The following CLIP2 variants were observed in gnomAD, a reference collection of about 807,000 sequenced individuals.
The protein encoded by CLIP2 is CAP-Gly domain-containing linker protein 2.
CLIP2 carries 41 observed loss-of-function variants against 111.7 expected under a neutral mutation model. The ratio of observed to expected loss-of-function variants is 0.37; its 90% CI spans 0.29 to 0.48. The LOEUF (loss-of-function observed/expected upper bound fraction) is 0.48, where lower values mean the gene tolerates loss of function less well. Ranked by LOEUF, CLIP2 falls within the 20% of genes least tolerant of loss-of-function variation. The probability of loss-of-function intolerance (pLI) is 0.99; values close to 1 mark genes in which losing one functional copy is unlikely to be tolerated. For synonymous variants in CLIP2, 660 were observed against 644.2 expected (o/e 1.02, Z -0.37); for missense variants, 1,160 against 1,422.1 (o/e 0.82, Z 2.96).
At chr7:74,327,912 G>A (rs570928067) in intron 2 of CLIP2, among the ~76,000 whole-genome samples, 12 of 152,342 alleles carry the variant, frequency 7.9e-5, no homozygotes, top group East Asian at 1.9e-4. Context: ...TTCCCCGGCC[G>A]CCTCTGCTGA....
intron 1 of CLIP2, among the ~76,000 whole-genome samples, chr7:74,305,798 T>C (rs1554727636): frequency 1.3e-5 from 2 of 151,388 alleles, no homozygotes; most frequent in Non-Finnish European, 2.9e-5. Context: ...CCGGTCACAT[T>C]TTAGGGATCT....
chr7:74,333,807 G>C (rs1789369450), intron 2 of CLIP2, among the ~76,000 whole-genome samples: 1 of 152,174 alleles, frequency 6.6e-6, no homozygotes, highest in African/African-American at 2.4e-5. Context: ...AGTCTGTGTT[G>C]CTGGGCCCAG....
chr7:74,378,173 G>C (rs960752080), intron 10 of CLIP2, among the ~76,000 whole-genome samples: 4 of 151,494 alleles, frequency 2.6e-5, no homozygotes, highest in Non-Finnish European at 4.4e-5. Context: ...TGTCTCCCAG[G>C]CTGGAGTGCA....
chr7:74,354,106 G>A (rs2116601603), intron 4 of CLIP2, 102 bp downstream of exon 4: 1 of 1,379,392 alleles, frequency 7.2e-7, no homozygotes, highest in Non-Finnish European at 9.9e-7. Context: ...TGTCCAGCAT[G>A]TAGTGTCAGA....
At chr7:74,357,251 G>A in intron 5 of CLIP2, 29 bp from the exon 6 acceptor site, 1 of 1,608,762 alleles carries the variant, frequency 6.2e-7, no homozygotes, top group Non-Finnish European at 8.5e-7. Flanking sequence ...AGATCCCTGA[G>A]ACCCGCCTGC....
At chr7:74,347,403 G>A (rs1789826236) in intron 3 of CLIP2, among the ~76,000 whole-genome samples, 1 of 152,076 alleles carries the variant, frequency 6.6e-6, no homozygotes, top group Non-Finnish European at 1.5e-5. Context: ...CGGGTAGCTG[G>A]GACTACAGGT....
At chr7:74,370,840 G>C (rs2528994) in intron 8 of CLIP2, among the ~76,000 whole-genome samples, 56,025 of 151,534 alleles carry the variant, frequency 0.37, 11,241 homozygotes, top group Middle Eastern at 0.48. Context: ...TCTATTTCAC[G>C]TTCATTCCAG....
intron 1 of CLIP2, among the ~76,000 whole-genome samples, chr7:74,309,304 C>T (rs992291048): frequency 2.0e-5 from 3 of 150,632 alleles, no homozygotes; most frequent in East Asian, 4.1e-4. Context: ...GATGAAACCC[C>T]GTCTCTACTA....
At chr7:74,398,865 G>A (rs1305955803) in intron 14 of CLIP2, among the ~76,000 whole-genome samples, 1 of 152,174 alleles carries the variant, frequency 6.6e-6, no homozygotes, top group Admixed American at 6.5e-5. Flanking sequence ...ACCCCCAGGG[G>A]CTTCCCTAGA....
At chr7:74,337,269 A>G (rs1448906990) in intron 2 of CLIP2, among the ~76,000 whole-genome samples, 1 of 152,136 alleles carries the variant, frequency 6.6e-6, no homozygotes, top group Non-Finnish European at 1.5e-5. Flanking sequence ...GGGGAGGCCC[A>G]GGAGAGAGTT....
At chr7:74,349,088 C>T (rs1259669755) in intron 3 of CLIP2, among the ~76,000 whole-genome samples, 1 of 151,798 alleles carries the variant, frequency 6.6e-6, no homozygotes, top group Admixed American at 6.6e-5. Context: ...GATAAATGGA[C>T]AAGCACAATG....
chr7:74,357,560 G>T, intron 6 of CLIP2, 83 bp downstream of exon 6: 2 of 1,299,322 alleles, frequency 1.5e-6, no homozygotes, highest in Admixed American at 2.0e-5. Flanking sequence ...GACCCTGGAG[G>T]GGGTGGGTGC....
intron 6 of CLIP2, 102 bp from the exon 7 acceptor site, chr7:74,360,073 G>A: frequency 5.5e-6 from 5 of 913,284 alleles, no homozygotes; most frequent in Admixed American, 2.4e-5. Context: ...GGGTGACTGG[G>A]GTTCCAGGCC....
intron 1 of CLIP2, among the ~76,000 whole-genome samples, chr7:74,300,133 T>C (rs987173148): frequency 4.0e-5 from 6 of 151,656 alleles, no homozygotes; most frequent in Admixed American, 4.0e-4. Context: ...AATTCAGGTA[T>C]GCACCACCAC....
At position 74,405,497 on chromosome 7, in the gene CLIP2, TCAGTCCCCCCGGCCCCCCTCC is replaced by T. The variant is rs1340516326; in HGVS notation, c.*1657_*1677del. Reference sequence around the variant, plus strand: ...AATGCAGCCCATCGGGGAGTCACAGTCAGTCCCCCCGGCCCCCCTCCCAGTCCCTGTTGGCTTTCGGTAGCT... The same window carrying T: ...AATGCAGCCCATCGGGGAGTCACAGTCAGTCCCTGTTGGCTTTCGGTAGCT... On this transcript the variant is annotated 3_prime_UTR_variant, in exon 17 of 17. Coordinates refer to ENST00000223398, the MANE Select transcript of CLIP2 (RefSeq NM_003388.5). 1 of 152,994 alleles carries T rather than the reference TCAGTCCCCCCGGCCCCCCTCC, an allele frequency of 6.5e-6. No individual in the cohort carries two copies. The highest frequency in any genetic ancestry group is 1.9e-4 in the East Asian group (1 of 5,200). The allele number at this position is 152,994 out of a possible 1,614,324, so 9.5% of individuals were successfully genotyped here.
chr7:74,346,504 C>A (rs76743962), intron 3 of CLIP2, among the ~76,000 whole-genome samples: 1 of 152,040 alleles, frequency 6.6e-6, no homozygotes, highest in African/African-American at 2.4e-5. Flanking sequence ...GGGTGAATCA[C>A]TTGAGGCCAG....
intron 2 of CLIP2, among the ~76,000 whole-genome samples, chr7:74,335,696 T>C (rs1554731995): frequency 6.6e-6 from 1 of 151,186 alleles, no homozygotes; most frequent in Middle Eastern, 3.4e-3. Context: ...CCTTTCTCTT[T>C]TTTTCTTTCT....
intron 8 of CLIP2, among the ~76,000 whole-genome samples, chr7:74,372,712 G>A (rs1554312151): frequency 6.8e-6 from 1 of 147,786 alleles, no homozygotes; most frequent in African/African-American, 2.5e-5. Context: ...ACACAGCAAG[G>A]GGTGGGCATG....
At chr7:74,367,292 G>A (rs1270914461) in intron 8 of CLIP2, among the ~76,000 whole-genome samples, 1 of 151,834 alleles carries the variant, frequency 6.6e-6, no homozygotes, top group East Asian at 1.9e-4. Context: ...CCGGGTTCAT[G>A]CCATTCTCCT....
Sources: allele counts gnomAD v4.1 joint callset (sites outside exome capture counted in the v4.1 genomes callset), GRCh38; gene constraint gnomAD v4.1.1; transcripts MANE v1.5; gene names NCBI Gene and HGNC (gene_info 2026-07-23, HGNC 2026-07-21).